TTLL7: variants seen among roughly 807,000 people sequenced by gnomAD.
TTLL7 encodes the protein tubulin tyrosine ligase like 7.
A neutral mutation model predicts 120.2 loss-of-function variants in TTLL7; 53 were observed. That is an observed-to-expected ratio of 0.44 (90% CI 0.35 to 0.55). TTLL7 has a LOEUF of 0.55. Among genes scored for constraint, TTLL7 ranks in the 20% least tolerant of loss-of-function variants. The pLI is 0.00. For missense variants in TTLL7, 803 were observed against 1,054.7 expected (o/e 0.76, Z 3.31); for synonymous variants, 353 against 351.7 (o/e 1.00, Z -0.04).
At chr1:83,976,033 C>CTG (rs34596192) in intron 1 of TTLL7, among the ~76,000 whole-genome samples, 10,277 of 147,652 alleles carry the variant, frequency 0.07, 375 homozygotes, top group Middle Eastern at 0.16. Flanking sequence ...TTGTCTCTCT[C>CTG]TGTGTGTGTG....
intron 1 of TTLL7, among the ~76,000 whole-genome samples, chr1:83,953,103 T>G (rs950892945): frequency 6.6e-6 from 1 of 152,196 alleles, no homozygotes; most frequent in African/African-American, 2.4e-5. Context: ...GGGTCATTAT[T>G]ATGATGATTT....
chr1:83,986,135 T>C (rs1050211450), intron 1 of TTLL7, among the ~76,000 whole-genome samples: 1 of 152,222 alleles, frequency 6.6e-6, no homozygotes, highest in Non-Finnish European at 1.5e-5. Context: ...TATATTTCAT[T>C]CACTTAGATG....
chr1:83,874,232 T>C (rs370328977), intron 20 of TTLL7, among the ~76,000 whole-genome samples: 2 of 152,080 alleles, frequency 1.3e-5, no homozygotes, highest in East Asian at 3.9e-4. Context: ...ATCACAAGAT[T>C]TGTCCATTTG....
intron 18 of TTLL7, among the ~76,000 whole-genome samples, chr1:83,897,578 C>A (rs1656348267): frequency 6.6e-6 from 1 of 152,086 alleles, no homozygotes; most frequent in Non-Finnish European, 1.5e-5. Context: ...AATATTCAAA[C>A]CATGCTTACA....
chr1:83,942,752 CAAATGGAAAATAGTGGA>C, intron 6 of TTLL7, 73 bp from the exon 7 acceptor site: 1 of 1,116,238 alleles, frequency 9.0e-7, no homozygotes, highest in Non-Finnish European at 1.3e-6. Context: ...TAGATATACT[CAAATGGAAAATAGTGGA>C]GTAAGGGACT....
chr1:83,883,497 C>T (rs1654706856), intron 19 of TTLL7, among the ~76,000 whole-genome samples: 1 of 151,858 alleles, frequency 6.6e-6, no homozygotes, highest in Non-Finnish European at 1.5e-5. Context: ...TCAAGTGATC[C>T]TCCCTCATTT....
chr1:83,896,006 A>G (rs1656190945), intron 18 of TTLL7, among the ~76,000 whole-genome samples: 2 of 152,098 alleles, frequency 1.3e-5, no homozygotes, highest in South Asian at 4.1e-4. Context: ...TCACTTAATA[A>G]TTTTAAGAAA....
rs372645514 is a variant in TTLL7 at position 83,936,927 on chromosome 1, T to C, written c.888+925A>G. On this transcript the variant is annotated intron_variant, in intron 8 of 20. Coordinates refer to ENST00000260505, the MANE Select transcript of TTLL7 (RefSeq NM_024686.6). ...GTTCCCAGAACATCCTAGTTTCTTCTATCCAGAGACCACTTCACTCCTTCT... is the reference window on the plus strand; with the variant it reads ...GTTCCCAGAACATCCTAGTTTCTTCCATCCAGAGACCACTTCACTCCTTCT... Among the ~76,000 whole-genome samples, 66 of 152,308 alleles carry C rather than the reference T, an allele frequency of 4.3e-4. 1 individual carries two copies. The South Asian group carries it at 0.013, about 30-fold the overall frequency.
intron 6 of TTLL7, among the ~76,000 whole-genome samples, chr1:83,943,705 A>G (rs868639918): frequency 2.0e-5 from 3 of 152,200 alleles, no homozygotes; most frequent in Middle Eastern, 3.2e-3. Context: ...CTATAGTATA[A>G]TACTGAAAAT....
At chr1:83,942,328 G>T in intron 7 of TTLL7, 135 bp downstream of exon 7, 1 of 642,840 alleles carries the variant, frequency 1.6e-6, no homozygotes, top group South Asian at 2.4e-5. Flanking sequence ...TCTTATTTAT[G>T]TACACAATTC....
At chr1:83,921,889 G>A (rs113277243) in intron 10 of TTLL7, among the ~76,000 whole-genome samples, 71 of 152,126 alleles carry the variant, frequency 4.7e-4, no homozygotes, top group African/African-American at 1.6e-3. Context: ...ATTTCTGACC[G>A]AAATCTCAGC....
chr1:83,916,523 G>A (rs1023128044), intron 14 of TTLL7, among the ~76,000 whole-genome samples: 3 of 151,442 alleles, frequency 2.0e-5, no homozygotes, highest in African/African-American at 7.3e-5. Context: ...ATAGCATTAG[G>A]AGAAATACCT....
At chr1:83,970,017 G>A (rs6703382) in intron 1 of TTLL7, among the ~76,000 whole-genome samples, 64,705 of 151,722 alleles carry the variant, frequency 0.43, 15,373 homozygotes, top group Non-Finnish European at 0.54. Flanking sequence ...GTCACAATTT[G>A]TTTTTTGAAA....
intron 14 of TTLL7, chr1:83,913,148 A>G (rs1657819350): frequency 6.6e-6 from 1 of 152,190 alleles, no homozygotes; most frequent in Admixed American, 6.6e-5. Context: ...TAGCAGTCAC[A>G]GCAACATAAA....
At position 83,921,323 on chromosome 1, in the gene TTLL7, G is replaced by A; in HGVS notation, c.1214C>T (p.Ser405Leu). Reference sequence around the variant, plus strand: ...GGAGCCTGGTAAGAGCCTTTTAATTGAATTTTGACCATAGAGCCTCCTTTG... The same window carrying A: ...GGAGCCTGGTAAGAGCCTTTTAATTAAATTTTGACCATAGAGCCTCCTTTG... ...EAQRRLYGQN[S>L]IKRLLPGSSD... Residue 405 changes from serine to leucine, a missense_variant, in exon 11 of 21, where the codon TCA becomes TTA. Ser to Leu is a moderately radical substitution (Grantham distance 145). This residue lies in a region of TTLL7 where 324 missense variants were observed against 507.7 expected (regional missense o/e 0.64). Transcript: ENST00000260505. 6.2e-7 allele frequency: 1 copy of A among 1,612,748 alleles called. No individual in the cohort carries two copies.
At chr1:83,942,412 G>T in intron 7 of TTLL7, 51 bp downstream of exon 7, 1 of 1,480,400 alleles carries the variant, frequency 6.8e-7, no homozygotes, top group Non-Finnish European at 9.4e-7. Context: ...GCTTTAAAAA[G>T]TATATGTTGA....
chr1:83,941,695 G>C (rs930974684), intron 7 of TTLL7, among the ~76,000 whole-genome samples: 2 of 152,062 alleles, frequency 1.3e-5, no homozygotes, highest in African/African-American at 4.8e-5. Context: ...AGGTTTAGAG[G>C]TTAACTAAAG....
intron 15 of TTLL7, among the ~76,000 whole-genome samples, chr1:83,910,731 C>T (rs554296856): frequency 3.3e-5 from 5 of 152,148 alleles, no homozygotes; most frequent in African/African-American, 1.2e-4. Context: ...CTTACAGATA[C>T]ATTCAAGTCA....
intron 18 of TTLL7, chr1:83,900,229 C>T (rs2100750078): frequency 4.9e-6 from 2 of 411,320 alleles, no homozygotes; most frequent in South Asian, 3.7e-5. Flanking sequence ...AAGCAGCTAG[C>T]TTGCTACTGA....
Sources: allele counts gnomAD v4.1 joint callset (sites outside exome capture counted in the v4.1 genomes callset), GRCh38; gene constraint gnomAD v4.1.1; regional missense constraint gnomAD v4.1.1; transcripts MANE v1.5; gene names NCBI Gene and HGNC (gene_info 2026-07-23, HGNC 2026-07-21).